CSRNP3: variants seen among roughly 807,000 people sequenced by gnomAD.
The protein encoded by CSRNP3 is cysteine/serine-rich nuclear protein 3.
Under a neutral mutation model 48.0 loss-of-function variants are expected in CSRNP3, and 12 were observed. That is an observed-to-expected ratio of 0.25 (90% confidence interval 0.16 to 0.41). The LOEUF is 0.41. CSRNP3 is among the 10% of genes least tolerant of loss of function. The probability of loss-of-function intolerance (pLI) is 1.00; values close to 1 mark genes in which losing one functional copy is unlikely to be tolerated. For synonymous variants in CSRNP3, 263 were observed against 269.7 expected (o/e 0.98, Z 0.24); for missense variants, 580 against 724.4 (o/e 0.80, Z 2.29).
chr2:165,550,245 C>T (rs1485527092), intron 3 of CSRNP3, among the ~76,000 whole-genome samples: 2 of 151,920 alleles, frequency 1.3e-5, no homozygotes, highest in Non-Finnish European at 2.9e-5. Flanking sequence ...GATATGGGTG[C>T]CAAATGAAAA....
At chr2:165,525,982 T>C (rs1316008093) in intron 3 of CSRNP3, among the ~76,000 whole-genome samples, 1 of 152,246 alleles carries the variant, frequency 6.6e-6, no homozygotes, top group African/African-American at 2.4e-5. Flanking sequence ...GTTTCATCAC[T>C]TTTTTATAAA....
chr2:165,575,573 TTTAG>T (rs1685435443), intron 3 of CSRNP3, among the ~76,000 whole-genome samples: 2 of 152,206 alleles, frequency 1.3e-5, no homozygotes, highest in East Asian at 1.9e-4. Context: ...CTAGTACATA[TTTAG>T]TTAAACTTAA....
At chr2:165,525,397 A>G (rs1684718354) in intron 3 of CSRNP3, among the ~76,000 whole-genome samples, 1 of 150,348 alleles carries the variant, frequency 6.7e-6, no homozygotes, top group Admixed American at 6.6e-5. Context: ...ATCCTTTTAG[A>G]GTTTTAAATT....
chr2:165,543,074 A>G (rs1413117002), intron 3 of CSRNP3, among the ~76,000 whole-genome samples: 3 of 152,108 alleles, frequency 2.0e-5, no homozygotes, highest in Non-Finnish European at 2.9e-5. Flanking sequence ...TGAGGGTGAC[A>G]GTTAGCTGGC....
chr2:165,645,955 G>C (rs1205735757), intron 4 of CSRNP3, among the ~76,000 whole-genome samples: 1 of 151,834 alleles, frequency 6.6e-6, no homozygotes, highest in African/African-American at 2.4e-5. Flanking sequence ...ATATTCCCCA[G>C]GCTAGTCTCG....
At chr2:165,511,050 TGA>T (rs1351762809) in intron 2 of CSRNP3, among the ~76,000 whole-genome samples, 6 of 152,146 alleles carry the variant, frequency 3.9e-5, no homozygotes, top group Non-Finnish European at 8.8e-5. Context: ...AGAAGCCAAG[TGA>T]AGAAATACAT....
At position 165,681,058 on chromosome 2, in the gene CSRNP3, T is replaced by C. The variant is rs891488738; in HGVS notation, c.*1305T>C. On this transcript the variant is annotated 3_prime_UTR_variant, in exon 7 of 7. Transcript: ENST00000651982. The stretch of plus-strand genomic sequence containing the variant: ...ACAGTCCAGAATGCATTGCATACTT[T>C]CTAATTACCTCACATTCTCTTATTA... The C allele has an allele frequency of 1.3e-5, 2 of 152,172 alleles. No individual in the cohort carries two copies. The highest frequency in any genetic ancestry group is 1.3e-4 in the Admixed American group (2 of 15,266). 9.4% of individuals were successfully genotyped at this position (152,172 alleles called of 1,614,324 possible).
At chr2:165,563,434 T>G (rs1480098179) in intron 3 of CSRNP3, among the ~76,000 whole-genome samples, 1 of 152,102 alleles carries the variant, frequency 6.6e-6, no homozygotes, top group Non-Finnish European at 1.5e-5. Flanking sequence ...CTCATTTCCC[T>G]TTTTTTGTCT....
At chr2:165,676,738 A>T (rs1025130366) in intron 6 of CSRNP3, 130 bp downstream of exon 6, 4 of 669,310 alleles carry the variant, frequency 6.0e-6, no homozygotes, top group Non-Finnish European at 1.0e-5. Context: ...AAGACATGTA[A>T]TTCAGGAAGA....
intron 3 of CSRNP3, among the ~76,000 whole-genome samples, chr2:165,537,627 A>T (rs1684898028): frequency 6.6e-6 from 1 of 151,694 alleles, no homozygotes; most frequent in South Asian, 2.1e-4. Context: ...CAGAGAGCTC[A>T]CAATTTTTTT....
At chr2:165,474,522 A>G (rs1330359912) in intron 1 of CSRNP3, among the ~76,000 whole-genome samples, 1 of 152,202 alleles carries the variant, frequency 6.6e-6, no homozygotes, top group African/African-American at 2.4e-5. Flanking sequence ...TTATTGCCCT[A>G]GAAACATGGG....
chr2:165,518,454 C>T (rs1026222203), intron 3 of CSRNP3, among the ~76,000 whole-genome samples: 3 of 151,484 alleles, frequency 2.0e-5, no homozygotes, highest in African/African-American at 4.8e-5. Context: ...AGTGTGGCTT[C>T]GATAAAATGA....
rs1191102826 is a variant in CSRNP3, at chr2:165,684,624, C to T, written c.*4871C>T. ...CTGATTGCATTACTTTTTCTGAAAT[C>T]TGCTAACTAGTGCTGGAATAACAAA... On this transcript the variant is annotated 3_prime_UTR_variant, in exon 7 of 7. Transcript: ENST00000651982. The T allele has an allele frequency of 2.0e-5, 3 of 151,956 alleles. No individual in the cohort carries two copies. Among genetic ancestry groups the T allele is most frequent in the Non-Finnish European group, 2.9e-5 (2 of 67,974 alleles). 9.4% of individuals were successfully genotyped at this position (151,956 alleles called of 1,614,324 possible).
intron 4 of CSRNP3, among the ~76,000 whole-genome samples, chr2:165,654,931 C>T (rs917052583): frequency 6.6e-6 from 1 of 152,216 alleles, no homozygotes; most frequent in Non-Finnish European, 1.5e-5. Context: ...CCGGAATCAT[C>T]TGTGTTTTTA....
At chr2:165,522,198 A>G (rs534683108) in intron 3 of CSRNP3, among the ~76,000 whole-genome samples, 53 of 152,192 alleles carry the variant, frequency 3.5e-4, no homozygotes, top group African/African-American at 1.2e-3. Context: ...TGGCTGAGGC[A>G]TGAGAATCAC....
In CSRNP3 at chr2:165,688,290, T is replaced by C. The variant is rs1687663489; in HGVS notation, c.*8537T>C. On this transcript the variant is annotated 3_prime_UTR_variant, in exon 7 of 7. Transcript: ENST00000651982. The stretch of plus-strand genomic sequence containing the variant: ...CTGTTCCTAAGAACCTCAGCCTTTA[T>C]TGTGTCTTAGTAAAGTTGATCTGCT... 1 of 152,134 alleles carries C rather than the reference T, an allele frequency of 6.6e-6. No homozygotes were observed. The highest frequency in any genetic ancestry group is 2.4e-5 in the African/African-American group (1 of 41,446). 9.4% of individuals were successfully genotyped at this position (152,134 alleles called of 1,614,324 possible).
chr2:165,649,780 A>G (rs1686874985), intron 4 of CSRNP3, among the ~76,000 whole-genome samples: 1 of 152,222 alleles, frequency 6.6e-6, no homozygotes, highest in South Asian at 2.1e-4. Flanking sequence ...GGAAAAAAAT[A>G]AGACCCCTGA....
chr2:165,648,606 G>T (rs925884946), intron 4 of CSRNP3, among the ~76,000 whole-genome samples: 1 of 151,946 alleles, frequency 6.6e-6, no homozygotes, highest in Non-Finnish European at 1.5e-5. Flanking sequence ...AATATGGTAT[G>T]TCTTGCTTTT....
At chr2:165,491,826 G>A (rs1263076057) in intron 1 of CSRNP3, among the ~76,000 whole-genome samples, 20 of 129,484 alleles carry the variant, frequency 1.5e-4, no homozygotes, top group Non-Finnish European at 2.1e-4. Flanking sequence ...GGGAGGGATA[G>A]CATTGGGAGA....
Sources: gnomAD v4.1 joint callset for allele counts (sites outside exome capture counted in the v4.1 genomes callset) on GRCh38, gnomAD v4.1.1 for gene constraint, MANE v1.5 for transcripts, NCBI Gene and HGNC (gene_info 2026-07-23, HGNC 2026-07-21) for gene names.